Variants in SEPTIN1 observed in about 807,000 individuals in gnomAD.
The protein encoded by SEPTIN1 is septin 1.
Under a neutral mutation model 50.7 loss-of-function variants are expected in SEPTIN1, and 52 were observed. That is an observed-to-expected ratio of 1.03 (90% CI 0.82 to 1.29). The LOEUF (loss-of-function observed/expected upper bound fraction) is 1.29. Among genes scored for constraint, SEPTIN1 ranks in the 50% most tolerant of loss-of-function variants. The pLI is 0.00. For synonymous variants in SEPTIN1, 204 were observed against 189.1 expected, an observed-to-expected ratio of 1.08 and a Z score of -0.65; for missense variants, 455 against 490.7, an observed-to-expected ratio of 0.93 and a Z score of 0.69.
Position 30,381,644 on chromosome 16 carries a change from C to A in SEPTIN1, c.320+116G>T. ...TCAAGAAGCACAGGGACCCAGTGGC[C>A]CTCTGAAACAGACACCACCTTTTGA... is the stretch of plus-strand genomic sequence containing the variant. On this transcript the variant is annotated intron_variant, in intron 4 of 10. Transcript: ENST00000321367. The surrounding 1 kb of genome is among the most constrained non-coding windows in gnomAD (Gnocchi z 4.3). 1 of 1,516,424 alleles carries A rather than the reference C, an allele frequency of 6.6e-7. No individual in the cohort carries two copies. The highest frequency in any genetic ancestry group is 1.3e-5 in the South Asian group (1 of 80,000). 93.9% of individuals were successfully genotyped at this position (1,516,424 alleles called of 1,614,324 possible). A position where few individuals can be genotyped will look rare whatever the true frequency, so the allele number is the denominator to read the frequency against.
chr16:30,378,718 GGGGAC>G lies in SEPTIN1; in HGVS notation c.942-23_942-19del. On this transcript the variant is annotated intron_variant, in intron 9 of 10. Transcript: ENST00000321367. The stretch of plus-strand genomic sequence containing the variant: ...AAAGCTTACTGCGGGACAGTGGGAA[GGGGAC>G]AGGAATCAGGAGCGGGACCTGAGGT... 6.2e-6 allele frequency: 10 copies of G among 1,603,340 alleles called. No homozygotes were observed. Among genetic ancestry groups the G allele is most frequent in the Non-Finnish European group, 8.5e-6 (10 of 1,178,608 alleles).
upstream of SEPTIN1, chr16:30,382,691 G>A: frequency 6.5e-7 from 1 of 1,531,466 alleles, no homozygotes; most frequent in Non-Finnish European, 8.8e-7. The surrounding 1 kb of genome is among the most constrained non-coding windows in gnomAD (Gnocchi z 4.8). Context: ...AACACTTGGG[G>A]TTGCCACCTC....
chr16:30,379,180 T>C lies in SEPTIN1; in HGVS notation c.779A>G (p.Glu260Gly), dbSNP rs1481501900. ...CAGGAAATCGCAGTGATGTGGGTTC[T>C]CCACTGGAGGGGGGGCGGCGCGGAC... ...RRYSWGTVEV[E>G]NPHHCDFLNL... The change falls in exon 9 of 11, where the codon GAG (glutamate) becomes GGG (glycine). Residue 260 changes from glutamate (E) to glycine (G), a missense_variant. Physicochemically the swap from Glu to Gly is moderately conservative, Grantham distance 98. Transcript: ENST00000321367. The C allele has an allele frequency of 6.2e-7, 1 of 1,613,928 alleles. No homozygotes were observed. Among genetic ancestry groups the C allele is most frequent in the Non-Finnish European group, 8.5e-7 (1 of 1,179,878 alleles).
At chr16:30,378,818 G>A (rs921261287) in intron 9 of SEPTIN1, 118 bp from the exon 10 acceptor site, 1 of 845,958 alleles carries the variant, frequency 1.2e-6, no homozygotes, top group South Asian at 1.7e-5. Context: ...AGTTCCTTGA[G>A]GTTAGGGCCG....
chr16:30,379,210 G>C (rs1216928143), intron 8 of SEPTIN1, 27 bp from the exon 9 acceptor site: 7 of 1,612,442 alleles, frequency 4.3e-6, no homozygotes, highest in South Asian at 3.3e-5. Flanking sequence ...GCGGACCAGC[G>C]AACGTCAGGG....
At chr16:30,380,975 G>T in intron 6 of SEPTIN1, 152 bp downstream of exon 6, 1 of 720,894 alleles carries the variant, frequency 1.4e-6, no homozygotes. Context: ...TGGCTATGCT[G>T]GCGGCTTACC....
chr16:30,378,994 G>T, intron 9 of SEPTIN1, 24 bp downstream of exon 9: 1 of 1,607,540 alleles, frequency 6.2e-7, no homozygotes, highest in South Asian at 1.1e-5. Context: ...TGGAGGCTCT[G>T]ATACTGTCCG....
In SEPTIN1 at chr16:30,379,944, A is replaced by T; in HGVS notation, c.663T>A (p.Asp221Glu). ...SDEDEDFKRQ[D>E]AEMKESIPFA... ...TTGTTTCCCACACCTTCATCTCTGC[A>T]TCCTGCCTCTTGAAGTCTTCATCTT... is the stretch of plus-strand genomic sequence containing the variant. Residue 221 changes from aspartate to glutamate, a missense_variant, in exon 7 of 11, where the codon GAT (aspartate) becomes GAA (glutamate). By Grantham distance (45) the Asp-to-Glu change is conservative. Coordinates refer to ENST00000321367, the MANE Select transcript of SEPTIN1 (RefSeq NM_001365977.2). 6.4e-7 allele frequency: 1 copy of T among 1,551,528 alleles called. No homozygotes were observed. Among genetic ancestry groups the T allele is most frequent in the Non-Finnish European group, 8.9e-7 (1 of 1,124,314 alleles).
chr16:30,381,582 G>T lies in SEPTIN1; in HGVS notation c.321-109C>A. 6.7e-7 allele frequency: 1 copy of T among 1,495,992 alleles called. No homozygotes were observed. The highest frequency in any genetic ancestry group is 1.2e-5 in the South Asian group (1 of 82,078). 92.7% of individuals were successfully genotyped at this position (1,495,992 alleles called of 1,614,324 possible). ...TGTCATTTCTTTGGCTCCCTCCAAAGACATTAAGGGGAACTGGTGGGGGCC... is the reference window on the plus strand; with the variant it reads ...TGTCATTTCTTTGGCTCCCTCCAAATACATTAAGGGGAACTGGTGGGGGCC... On this transcript the variant is annotated intron_variant, in intron 4 of 10. Transcript: ENST00000321367. This position sits in a 1 kb window ranked among gnomAD's most constrained non-coding sequence, Gnocchi z 4.3.
At position 30,378,204 on chromosome 16, in the gene SEPTIN1, G is replaced by A. The variant is rs544408920; in HGVS notation, c.*230C>T. ...AAGAAGGGGGACTCCGGAAGACAGT[G>A]ATGCGGTCGGAGATTGTGCAGGCCC... On this transcript the variant is annotated 3_prime_UTR_variant, in exon 11 of 11. Transcript: ENST00000321367. 30 of 691,158 alleles carry A rather than the reference G, an allele frequency of 4.3e-5. No individual in the cohort carries two copies. The African/African-American group carries it at 4.8e-4, about 11-fold the overall frequency. The allele number at this position is 691,158 out of a possible 1,614,324, so 42.8% of individuals were successfully genotyped here. A position where few individuals can be genotyped will look rare whatever the true frequency, so the allele number is the denominator to read the frequency against.
At chr16:30,382,679 A>C, upstream of SEPTIN1, 1 of 1,533,966 alleles carries the variant, frequency 6.5e-7, no homozygotes, top group Non-Finnish European at 8.8e-7. This position sits in a 1 kb window ranked among gnomAD's most constrained non-coding sequence, Gnocchi z 4.8. Flanking sequence ...GCCAAGGCCA[A>C]GAACACTTGG....
At position 30,381,987 on chromosome 16, in the gene SEPTIN1, A is replaced by G; in HGVS notation, c.197-104T>C. ...CTGCACCCATTTCCCAGGGGAGGAA[A>G]GTCTCAGAAAAAAAGCAGTCAACTA... On this transcript the variant is annotated intron_variant, in intron 3 of 10. Coordinates refer to ENST00000321367, the MANE Select transcript of SEPTIN1 (RefSeq NM_001365977.2). This position sits in a 1 kb window ranked among gnomAD's most constrained non-coding sequence, Gnocchi z 4.3. 2 of 1,603,822 alleles carry G rather than the reference A, an allele frequency of 1.2e-6. No homozygotes were observed. The highest frequency in any genetic ancestry group is 1.7e-6 in the Non-Finnish European group (2 of 1,173,236).
Position 30,378,615 on chromosome 16 carries a change from C to T in SEPTIN1, c.1027G>A (p.Glu343Lys), listed in dbSNP as rs762996705. The change falls in exon 10 of 11, where the codon GAA becomes AAA. Residue 343 changes from glutamate to lysine, a missense_variant. Physicochemically the swap from Glu to Lys is moderately conservative, Grantham distance 56. Transcript: ENST00000321367. ...DTEKLIREKD[E>K]ELRRMQEMLE... ...GAAGCGAGGTGCGTGCTCACCTCTTCGTCTTTCTCGCGGATCAGCTTCTCG... is the reference window on the plus strand; with the variant it reads ...GAAGCGAGGTGCGTGCTCACCTCTTTGTCTTTCTCGCGGATCAGCTTCTCG... The T allele has an allele frequency of 5.0e-6, 8 of 1,611,230 alleles. No homozygotes were observed. The African/African-American group carries it at 5.4e-5, about 11-fold the overall frequency.
chr16:30,379,289 G>T (rs2049804785), intron 8 of SEPTIN1, 106 bp from the exon 9 acceptor site: 4 of 1,501,906 alleles, frequency 2.7e-6, no homozygotes, highest in Admixed American at 3.5e-5. Context: ...CTAGCGGAGG[G>T]TCCGCGGTCT....
Position 30,382,247 on chromosome 16 carries a change from C to A in SEPTIN1, c.109+28G>T, listed in dbSNP as rs148073093. On this transcript the variant is annotated intron_variant, in intron 2 of 10. Coordinates refer to ENST00000321367, the MANE Select transcript of SEPTIN1 (RefSeq NM_001365977.2). This position sits in a 1 kb window ranked among gnomAD's most constrained non-coding sequence, Gnocchi z 4.8. Reference sequence around the variant, plus strand: ...CAGGGCCTCCTAAGGACATCCCCTCCGCAGTTCCCTCTCCAAAACCCCCAG... The same window carrying A: ...CAGGGCCTCCTAAGGACATCCCCTCAGCAGTTCCCTCTCCAAAACCCCCAG... 2 of 1,612,814 alleles carry A rather than the reference C, an allele frequency of 1.2e-6. No homozygotes were observed. The highest frequency in any genetic ancestry group is 1.7e-6 in the Non-Finnish European group (2 of 1,178,992).
At position 30,381,216 on chromosome 16, in the gene SEPTIN1, G is replaced by A. The variant is rs150116343; in HGVS notation, c.484C>T (p.Arg162Trp). 22 of 1,613,918 alleles carry A rather than the reference G, an allele frequency of 1.4e-5. No homozygotes were observed. Among genetic ancestry groups the A allele is most frequent in the East Asian group, 2.2e-5 (1 of 44,892 alleles). ...GLRPLDVAFLRAVHEKVNIIP... is the reference protein window; with the variant it reads ...GLRPLDVAFLWAVHEKVNIIP... ...ATGTTGACTTTCTCGTGTACTGCCC[G>A]GAGGAAGGCCACATCTAGGGGCCGG... is the stretch of plus-strand genomic sequence containing the variant. Residue 162 changes from arginine to tryptophan, a missense_variant, in exon 6 of 11, where the codon CGG (arginine) becomes TGG (tryptophan). By Grantham distance (101) the Arg-to-Trp change is moderately radical. Coordinates refer to ENST00000321367, the MANE Select transcript of SEPTIN1 (RefSeq NM_001365977.2). This position sits in a 1 kb window ranked among gnomAD's most constrained non-coding sequence, Gnocchi z 4.3.
At chr16:30,378,543 C>CG in intron 10 of SEPTIN1, 23 bp from the exon 11 acceptor site, 1 of 1,600,218 alleles carries the variant, frequency 6.2e-7, no homozygotes, top group Non-Finnish European at 8.5e-7. Flanking sequence ...AGATTGCAGG[C>CG]GGTGACCTGG....
In SEPTIN1 at chr16:30,382,023, C is replaced by A; in HGVS notation, c.196+70G>T. ...AAAAGCAGTCAACTACCTGAGTCCC[C>A]AGATGGAAAAGACTAGGGTGTAACC... is the stretch of plus-strand genomic sequence containing the variant. On this transcript the variant is annotated intron_variant, in intron 3 of 10. Coordinates refer to ENST00000321367, the MANE Select transcript of SEPTIN1 (RefSeq NM_001365977.2). This position sits in a 1 kb window ranked among gnomAD's most constrained non-coding sequence, Gnocchi z 4.8. 4 of 1,597,798 alleles carry A rather than the reference C, an allele frequency of 2.5e-6. 1 individual carries two copies. The highest frequency in any genetic ancestry group is 3.4e-6 in the Non-Finnish European group (4 of 1,168,734).
At chr16:30,379,853 C>T (rs527798008) in intron 7 of SEPTIN1, 79 bp downstream of exon 7, 47 of 787,636 alleles carry the variant, frequency 6.0e-5, no homozygotes, top group East Asian at 2.5e-4. Context: ...GGGATCCTCC[C>T]GTCTCAGCCT....
Sources: gnomAD v4.1 joint callset for allele counts on GRCh38, gnomAD v4.1.1 for gene constraint, Gnocchi (gnomAD v3.1) non-coding constraint, MANE v1.5 for transcripts, NCBI Gene and HGNC (gene_info 2026-07-23, HGNC 2026-07-21) for gene names.